The following BRD10 variants were observed in gnomAD, a reference collection of about 807,000 sequenced individuals.
BRD10 encodes the protein uncharacterized bromodomain-containing protein 10.
chr9:5,940,262 T>C, the BRD10 span, among the ~76,000 whole-genome samples: 8 of 152,148 alleles, frequency 5.3e-5, no homozygotes, highest in Admixed American at 2.0e-4. Context: ...GGTGCGATCT[T>C]GGCTCACTGC....
At chr9:5,902,962 T>C in the BRD10 span, among the ~76,000 whole-genome samples, 6 of 152,240 alleles carry the variant, frequency 3.9e-5, no homozygotes, top group Non-Finnish European at 8.8e-5. Flanking sequence ...TTCAATGTCA[T>C]ACATTTCCCT....
At chr9:5,938,932 A>T in the BRD10 span, among the ~76,000 whole-genome samples, 19 of 152,278 alleles carry the variant, frequency 1.2e-4, no homozygotes, top group East Asian at 2.1e-3. Context: ...GCTTACTGAG[A>T]ACTCTGAATA....
chr9:5,941,463 A>G, the BRD10 span, among the ~76,000 whole-genome samples: 43 of 152,290 alleles, frequency 2.8e-4, no homozygotes, highest in East Asian at 7.5e-3. Context: ...CAGAGGTCTC[A>G]CTTTTAACAA....
chr9:5,955,217 A>G, the BRD10 span, among the ~76,000 whole-genome samples: 2 of 152,142 alleles, frequency 1.3e-5, no homozygotes, highest in African/African-American at 4.8e-5. Context: ...GATACAGGAC[A>G]CTGTACAAGC....
At chr9:5,992,811 T>G in the BRD10 span, among the ~76,000 whole-genome samples, 2 of 152,092 alleles carry the variant, frequency 1.3e-5, no homozygotes. Flanking sequence ...TTAAAATTAT[T>G]ACAATAAGTC....
chr9:5,933,414 TACA>T, the BRD10 span, among the ~76,000 whole-genome samples: 1 of 152,174 alleles, frequency 6.6e-6, no homozygotes, highest in East Asian at 1.9e-4. Context: ...ACCAAAGACA[TACA>T]ATATAATTTA....
chr9:5,994,615 T>G, the BRD10 span, among the ~76,000 whole-genome samples: 482 of 152,296 alleles, frequency 3.2e-3, 3 homozygotes, highest in Non-Finnish European at 5.9e-3. Flanking sequence ...GCTATTCACA[T>G]AGATAACCAG....
the BRD10 span, among the ~76,000 whole-genome samples, chr9:5,928,133 G>GAAA: frequency 1.3e-5 from 2 of 151,906 alleles, no homozygotes; most frequent in South Asian, 4.2e-4. Flanking sequence ...AAAAATAGTG[G>GAAA]GTATCATCTT....
the BRD10 span, among the ~76,000 whole-genome samples, chr9:5,995,708 C>G: frequency 1.3e-5 from 2 of 152,230 alleles, no homozygotes; most frequent in East Asian, 3.9e-4. Flanking sequence ...TTGTTAAGAA[C>G]TTGAATTGGA....
chr9:5,920,329 C>A, the BRD10 span: 1 of 1,613,942 alleles, frequency 6.2e-7, no homozygotes, highest in Non-Finnish European at 8.5e-7. Flanking sequence ...TAATCATAAT[C>A]TGAGTACCAG....
the BRD10 span, among the ~76,000 whole-genome samples, chr9:5,886,523 G>A: frequency 6.6e-6 from 1 of 152,188 alleles, no homozygotes; most frequent in Non-Finnish European, 1.5e-5. Context: ...CGTGCACTGG[G>A]GCTTTCAGAG....
chr9:5,952,026 T>TATTC, the BRD10 span, among the ~76,000 whole-genome samples: 881 of 149,492 alleles, frequency 5.9e-3, 35 homozygotes, highest in African/African-American at 0.02. Flanking sequence ...TTTATTTATT[T>TATTC]ATTTATTTAT....
chr9:5,918,933 C>A, the BRD10 span: 1 of 152,178 alleles, frequency 6.6e-6, no homozygotes, highest in African/African-American at 2.4e-5. Context: ...ACCCTTAATT[C>A]TTTCTTGTAA....
the BRD10 span, among the ~76,000 whole-genome samples, chr9:5,901,762 T>A: frequency 6.6e-6 from 1 of 152,162 alleles, no homozygotes; most frequent in African/African-American, 2.4e-5. Context: ...GCACAAGCAA[T>A]CCACCTGCCT....
the BRD10 span, chr9:5,922,494 C>A: frequency 6.2e-7 from 1 of 1,613,952 alleles, no homozygotes. Context: ...TTGTTGAAAG[C>A]TGTATTTGGT....
chr9:5,944,689 T>C, the BRD10 span, among the ~76,000 whole-genome samples: 1 of 152,062 alleles, frequency 6.6e-6, no homozygotes, highest in Non-Finnish European at 1.5e-5. Context: ...CCTGGCACGA[T>C]TTCTGTCTAT....
At chr9:5,965,839 A>G in the BRD10 span, among the ~76,000 whole-genome samples, 2 of 152,230 alleles carry the variant, frequency 1.3e-5, no homozygotes, top group African/African-American at 4.8e-5. Context: ...ATGAAAGGCC[A>G]CAACGTCTCA....
At chr9:5,996,689 A>C in the BRD10 span, among the ~76,000 whole-genome samples, 1 of 152,160 alleles carries the variant, frequency 6.6e-6, no homozygotes, top group Non-Finnish European at 1.5e-5. Flanking sequence ...TGTTTTTCTG[A>C]ATTTAGGAAA....
At chr9:5,915,778 C>T in the BRD10 span, among the ~76,000 whole-genome samples, 1 of 152,134 alleles carries the variant, frequency 6.6e-6, no homozygotes, top group Non-Finnish European at 1.5e-5. Context: ...GAATGGAATC[C>T]TACTCATCTA....
Sources: allele counts gnomAD v4.1 joint callset (sites outside exome capture counted in the v4.1 genomes callset), GRCh38; gene constraint gnomAD v4.1.1; transcripts MANE v1.5; gene names NCBI Gene and HGNC (gene_info 2026-07-23, HGNC 2026-07-21).